CCDC73: variants seen among roughly 807,000 people sequenced by gnomAD.
The protein encoded by CCDC73 is coiled-coil domain containing 73.
CCDC73 carries 95 observed loss-of-function variants against 116.5 expected under a neutral mutation model. That is an observed-to-expected ratio of 0.82 (90% CI 0.69 to 0.97). The LOEUF is 0.97. Ranked by LOEUF, CCDC73 falls within the 50% of genes least tolerant of loss-of-function variation. CCDC73 has a pLI of 0.00. For synonymous variants in CCDC73, 398 were observed against 401.3 expected (o/e 0.99, Z 0.10); for missense variants, 1,066 against 1,206.8 (o/e 0.88, Z 1.73).
chr11:32,785,251 GT>G (rs1432908590), intron 1 of CCDC73, among the ~76,000 whole-genome samples: 1 of 152,126 alleles, frequency 6.6e-6, no homozygotes, highest in Non-Finnish European at 1.5e-5. Context: ...TAAAACTCTT[GT>G]TTTAATTTTA....
chr11:32,783,376 C>T (rs1339962201), intron 1 of CCDC73, among the ~76,000 whole-genome samples: 1 of 152,162 alleles, frequency 6.6e-6, no homozygotes, highest in Admixed American at 6.5e-5. Context: ...TCTCAGGAAG[C>T]TCCTTAAGGA....
chr11:32,760,146 C>T lies in CCDC73; in HGVS notation c.98G>A (p.Ser33Asn). ...FSIQLLDFKT[S>N]LLEALEELRM... ...CAATTCTTCTAATGCCTCCAGTAAA[C>T]TTGTTTTGAAATCTAATAGCTGAAT... Residue 33 changes from serine to asparagine, a missense_variant, in exon 2 of 18, where the codon AGT becomes AAT. Ser to Asn is a conservative substitution (Grantham distance 46). Coordinates refer to ENST00000335185, the MANE Select transcript of CCDC73 (RefSeq NM_001008391.4). The T allele has an allele frequency of 2.5e-6, 4 of 1,606,002 alleles. No homozygotes were observed. The highest frequency in any genetic ancestry group is 3.4e-6 in the Non-Finnish European group (4 of 1,176,396).
upstream of CCDC73, among the ~76,000 whole-genome samples, chr11:32,798,923 G>GGGA (rs1554971680): frequency 4.7e-5 from 7 of 149,736 alleles, no homozygotes; most frequent in Admixed American, 6.7e-5. Flanking sequence ...TTTGGGGGGG[G>GGGA]GCGTTGAGAC....
intron 3 of CCDC73, among the ~76,000 whole-genome samples, chr11:32,717,259 T>C (rs934076419): frequency 1.3e-5 from 2 of 152,222 alleles, no homozygotes; most frequent in African/African-American, 4.8e-5. Flanking sequence ...AAGATTACTC[T>C]GATGGAACAG....
At chr11:32,656,301 G>A (rs1468284431) in intron 9 of CCDC73, among the ~76,000 whole-genome samples, 2 of 151,532 alleles carry the variant, frequency 1.3e-5, no homozygotes, top group Non-Finnish European at 2.9e-5. Context: ...GGATGGTCTC[G>A]ATCTCCTGAC....
chr11:32,735,883 A>T (rs1227775918), intron 2 of CCDC73, among the ~76,000 whole-genome samples: 1 of 152,216 alleles, frequency 6.6e-6, no homozygotes, highest in Non-Finnish European at 1.5e-5. Flanking sequence ...GATCTTTGAC[A>T]AACCTGACAA....
At chr11:32,617,917 T>A (rs138673844) in intron 14 of CCDC73, among the ~76,000 whole-genome samples, 106 of 152,320 alleles carry the variant, frequency 7.0e-4, no homozygotes, top group African/African-American at 2.3e-3. Flanking sequence ...AGGGTATACA[T>A]GTGCAGGTTG....
At chr11:32,760,483 C>T (rs145153960) in intron 1 of CCDC73, among the ~76,000 whole-genome samples, 95 of 152,166 alleles carry the variant, frequency 6.2e-4, no homozygotes, top group Non-Finnish European at 1.2e-3. Context: ...AGCTGAGTAC[C>T]CTCAAAGGCT....
intron 2 of CCDC73, among the ~76,000 whole-genome samples, chr11:32,731,214 C>T (rs192937372): frequency 4.8e-4 from 73 of 152,260 alleles, no homozygotes; most frequent in African/African-American, 1.6e-3. Flanking sequence ...AAGGTGGCAG[C>T]GAGGCTGGGG....
the CCDC73 span, among the ~76,000 whole-genome samples, chr11:32,815,476 CA>C: frequency 0.1 from 15,609 of 152,152 alleles, 846 homozygotes; most frequent in Non-Finnish European, 0.13. Flanking sequence ...CTGGGATTTA[CA>C]GGCGTGAGCC....
At position 32,615,945 on chromosome 11, in the gene CCDC73, ATAAT is replaced by A. The variant is rs1855469365; in HGVS notation, c.1366_1369del (p.Ile456Ter). ...CAATATAATTTTAAGGTTACCATCT[ATAAT>A]TATTTCCTCTATAAATGAGCCTTCT... On this transcript the variant is annotated frameshift_variant, in exon 15 of 18. Coordinates refer to ENST00000335185, the MANE Select transcript of CCDC73 (RefSeq NM_001008391.4). LOFTEE classifies it high-confidence loss of function. The A allele has an allele frequency of 1.9e-6, 3 of 1,550,512 alleles. No individual in the cohort carries two copies. Among genetic ancestry groups the A allele is most frequent in the Non-Finnish European group, 2.6e-6 (3 of 1,136,032 alleles).
chr11:32,657,742 G>A (rs1431384332), intron 9 of CCDC73, among the ~76,000 whole-genome samples: 1 of 152,140 alleles, frequency 6.6e-6, no homozygotes, highest in African/African-American at 2.4e-5. Flanking sequence ...AAAGATCACA[G>A]CTAATCCTAG....
rs748150758 is a variant in CCDC73 at position 32,614,181 on chromosome 11, C to T, written c.2137G>A (p.Ala713Thr). 1.4e-5 allele frequency: 23 copies of T among 1,613,894 alleles called. No individual in the cohort carries two copies. The South Asian group carries it at 2.0e-4, about 14-fold the overall frequency. ...AGTTTTGAATTAGCACTAAAAGCAG[C>T]ATATGAAACATGGTGGTCGATTACT... The part of the protein sequence containing the change: ...DIVIDHHVSY[A>T]AFSANSKLLL... The change falls in exon 16 of 18, where the codon GCT (alanine) becomes ACT (threonine). Residue 713 changes from alanine to threonine, a missense_variant. Physicochemically the swap from Ala to Thr is moderately conservative, Grantham distance 58. Transcript: ENST00000335185.
chr11:32,792,108 A>T (rs981853420), intron 1 of CCDC73, among the ~76,000 whole-genome samples: 1 of 152,160 alleles, frequency 6.6e-6, no homozygotes, highest in African/African-American at 2.4e-5. Context: ...TGAATCGATG[A>T]CTTCTTTCAA....
intron 3 of CCDC73, among the ~76,000 whole-genome samples, chr11:32,703,771 T>G (rs1248737720): frequency 1.3e-5 from 2 of 152,344 alleles, no homozygotes; most frequent in Non-Finnish European, 2.9e-5. Context: ...CATTTCTTTT[T>G]TTCTCCTTCT....
At chr11:32,826,657 AAAC>A in the CCDC73 span, among the ~76,000 whole-genome samples, 5 of 133,106 alleles carry the variant, frequency 3.8e-5, no homozygotes, top group Non-Finnish European at 6.4e-5. Flanking sequence ...AAAAAAAAAA[AAAC>A]AAAAAAAAAA....
chr11:32,718,509 C>T (rs1485646981), intron 2 of CCDC73, among the ~76,000 whole-genome samples: 1 of 152,166 alleles, frequency 6.6e-6, no homozygotes, highest in Non-Finnish European at 1.5e-5. Flanking sequence ...GAGGTTTGTA[C>T]TTTCTAGCAG....
At chr11:32,619,661 A>T (rs970790628) in intron 14 of CCDC73, among the ~76,000 whole-genome samples, 1 of 123,174 alleles carries the variant, frequency 8.1e-6, no homozygotes, top group African/African-American at 2.6e-5. Flanking sequence ...TGACAGAGGG[A>T]GACCCTGTTG....
At chr11:32,716,061 G>C (rs1191059175) in intron 3 of CCDC73, among the ~76,000 whole-genome samples, 1 of 151,974 alleles carries the variant, frequency 6.6e-6, no homozygotes, top group Admixed American at 6.6e-5. Flanking sequence ...GAAATACTAA[G>C]ACTCTGTAAA....
Sources: gnomAD v4.1 joint callset for allele counts (sites outside exome capture counted in the v4.1 genomes callset) on GRCh38, gnomAD v4.1.1 for gene constraint, MANE v1.5 for transcripts, NCBI Gene and HGNC (gene_info 2026-07-23, HGNC 2026-07-21) for gene names.